ARSG: variants seen among roughly 807,000 people sequenced by gnomAD.
The protein encoded by ARSG is ASG.
ARSG carries 37 observed loss-of-function variants against 50.5 expected under a neutral mutation model. The observed-to-expected ratio is 0.73, with a 90% CI of 0.56 to 0.96. The LOEUF (loss-of-function observed/expected upper bound fraction) is 0.96. Among genes scored for constraint, ARSG ranks in the 50% least tolerant of loss-of-function variants. ARSG has a pLI of 0.00. For synonymous variants in ARSG, 225 were observed against 254.6 expected, an observed-to-expected ratio of 0.88 and a Z score of 1.11; for missense variants, 629 against 675.3, an observed-to-expected ratio of 0.93 and a Z score of 0.76.
At chr17:68,346,975 C>G in intron 3 of ARSG, 150 bp from the exon 4 acceptor site, 1 of 1,534,344 alleles carries the variant, frequency 6.5e-7, no homozygotes, top group Non-Finnish European at 8.8e-7. Flanking sequence ...GAGAGCAAAG[C>G]CTGGCTTGTA....
At chr17:68,291,858 G>C (rs1050045050) in intron 1 of ARSG, among the ~76,000 whole-genome samples, 1 of 151,852 alleles carries the variant, frequency 6.6e-6, no homozygotes, top group Non-Finnish European at 1.5e-5. Flanking sequence ...GAGGATTTAG[G>C]GATTTAGCGG....
the ARSG span, chr17:68,451,030 T>C: frequency 1.6e-6 from 2 of 1,258,308 alleles, no homozygotes; most frequent in Non-Finnish European, 1.1e-6. Context: ...GCGCCCTCTC[T>C]GAGCTTGCAT....
At chr17:68,429,337 T>C in the ARSG span, among the ~76,000 whole-genome samples, 4 of 152,328 alleles carry the variant, frequency 2.6e-5, no homozygotes, top group Admixed American at 2.0e-4. Context: ...ATTTTAAAAA[T>C]GTTCAACTTT....
chr17:68,309,497 C>G (rs2076759141), intron 2 of ARSG, among the ~76,000 whole-genome samples: 1 of 152,212 alleles, frequency 6.6e-6, no homozygotes, highest in Non-Finnish European at 1.5e-5. Context: ...CCCAGGAGTT[C>G]AAGGTTGCAG....
At chr17:68,425,668 C>G (rs1160027052), downstream of ARSG, among the ~76,000 whole-genome samples, 4 of 152,146 alleles carry the variant, frequency 2.6e-5, no homozygotes, top group Non-Finnish European at 5.9e-5. Context: ...TGAAACCATC[C>G]CCTCCAGCAC....
At chr17:68,354,698 A>T (rs767100130) in intron 5 of ARSG, among the ~76,000 whole-genome samples, 14 of 152,144 alleles carry the variant, frequency 9.2e-5, no homozygotes, top group Non-Finnish European at 2.1e-4. Context: ...AGCCTGGGCA[A>T]CATGGTGAAA....
the ARSG span, among the ~76,000 whole-genome samples, chr17:68,433,837 C>A: frequency 1.6e-5 from 2 of 123,518 alleles, no homozygotes; most frequent in African/African-American, 6.4e-5. Context: ...GGCTGGAGTA[C>A]GGTGGCTTGA....
chr17:68,399,553 A>G lies in ARSG; in HGVS notation c.1213-1807A>G, dbSNP rs1213609762. On this transcript the variant is annotated intron_variant, in intron 10 of 11. Transcript: ENST00000621439. The surrounding 1 kb of genome is among the most constrained non-coding windows in gnomAD (Gnocchi z 4.6). ...GCTTCCTTCCTATATTGATATAAAC[A>G]AGAAAGCCATAATGGGTCTTCTCAA... 6.6e-6 allele frequency among the ~76,000 whole-genome samples: 1 copy of G among 152,196 alleles called. No individual in the cohort carries two copies. The highest frequency in any genetic ancestry group is 1.9e-4 in the East Asian group (1 of 5,198).
intron 11 of ARSG, among the ~76,000 whole-genome samples, chr17:68,413,406 G>C (rs989413856): frequency 1.3e-5 from 2 of 152,210 alleles, no homozygotes; most frequent in East Asian, 1.9e-4. Flanking sequence ...TGCCCCTGCT[G>C]GGGGGTGCCT....
chr17:68,274,079 A>G (rs1555750121), intron 1 of ARSG: 4 of 1,611,264 alleles, frequency 2.5e-6, no homozygotes, highest in Non-Finnish European at 3.4e-6. Flanking sequence ...AGCTGCCGGG[A>G]AAGAACAAAA....
At chr17:68,307,801 T>A in intron 2 of ARSG, 90 bp downstream of exon 2, 2 of 707,808 alleles carry the variant, frequency 2.8e-6, no homozygotes, top group Non-Finnish European at 4.9e-6. Context: ...ACTTAAAGAG[T>A]CATTGATGGA....
chr17:68,283,476 G>A (rs559776243), intron 1 of ARSG, among the ~76,000 whole-genome samples: 131 of 149,748 alleles, frequency 8.7e-4, no homozygotes, highest in Non-Finnish European at 1.5e-3. Flanking sequence ...AGCCGAGATC[G>A]CGCCACTGCA....
In ARSG at chr17:68,271,825, A is replaced by G. The variant is rs1555748994; in HGVS notation, c.-552+12399A>G. On this transcript the variant is annotated intron_variant, in intron 1 of 11. Transcript: ENST00000448504. The surrounding 1 kb of genome is among the most constrained non-coding windows in gnomAD (Gnocchi z 5.3). ...AATCTTTATTTATTTACTTTTTGAGACAGAGTCTCACTCTGTCACCAGGCT... is the reference window on the plus strand; with the variant it reads ...AATCTTTATTTATTTACTTTTTGAGGCAGAGTCTCACTCTGTCACCAGGCT... Among the ~76,000 whole-genome samples the G allele has an allele frequency of 6.6e-6, 1 of 152,174 alleles. No individual in the cohort carries two copies. The highest frequency in any genetic ancestry group is 2.4e-5 in the African/African-American group (1 of 41,440).
chr17:68,435,986 G>A, the ARSG span, among the ~76,000 whole-genome samples: 1 of 152,348 alleles, frequency 6.6e-6, no homozygotes, highest in Non-Finnish European at 1.5e-5. Context: ...TCGCAGGCGC[G>A]CCCTGCACGC....
At chr17:68,413,468 C>T (rs570476575) in intron 11 of ARSG, among the ~76,000 whole-genome samples, 5 of 152,164 alleles carry the variant, frequency 3.3e-5, no homozygotes, top group Admixed American at 1.3e-4. Flanking sequence ...GCAGTCTGCC[C>T]GTTCTCAGAT....
intron 1 of ARSG, chr17:68,268,973 C>G: frequency 1.3e-6 from 2 of 1,515,128 alleles, no homozygotes; most frequent in South Asian, 2.6e-5. Flanking sequence ...CATACACATT[C>G]CCTTTAAAAT....
upstream of ARSG, chr17:68,291,299 C>A (rs2075978212): frequency 6.9e-6 from 1 of 145,410 alleles, no homozygotes; most frequent in Admixed American, 6.7e-5. Context: ...CCACACCCTC[C>A]CCCCGCCCCC....
intron 2 of ARSG, among the ~76,000 whole-genome samples, chr17:68,319,382 A>G (rs2077191147): frequency 6.6e-6 from 1 of 152,216 alleles, no homozygotes. Flanking sequence ...TAGGTCAAAT[A>G]GAATCAAAAT....
At chr17:68,426,917 G>C (rs142463405), downstream of ARSG, among the ~76,000 whole-genome samples, 166 of 152,298 alleles carry the variant, frequency 1.1e-3, 1 homozygote, top group African/African-American at 3.8e-3. Flanking sequence ...GCCAGGTTGA[G>C]GGTCCCAGGT....
Sources: allele counts gnomAD v4.1 joint callset (sites outside exome capture counted in the v4.1 genomes callset), GRCh38; gene constraint gnomAD v4.1.1; non-coding constraint Gnocchi (gnomAD v3.1); transcripts MANE v1.5; gene names NCBI Gene and HGNC (gene_info 2026-07-23, HGNC 2026-07-21).